Variants in KIAA1549 observed in about 807,000 individuals in gnomAD.
KIAA1549 encodes the protein UPF0606 protein KIAA1549.
A neutral mutation model predicts 156.4 loss-of-function variants in KIAA1549; 70 were observed. The ratio of observed to expected loss-of-function variants is 0.45; its 90% CI spans 0.37 to 0.55. The LOEUF (loss-of-function observed/expected upper bound fraction) is 0.55. KIAA1549 is among the 20% of genes least tolerant of loss of function. The pLI, the probability that KIAA1549 is intolerant of heterozygous loss-of-function variation, is 0.00. For missense variants in KIAA1549, 2,428 were observed against 2,540.9 expected (o/e 0.96, Z 0.96); for synonymous variants, 1,103 against 1,066.4 (o/e 1.03, Z -0.67).
intron 19 of KIAA1549, 135 bp from the exon 20 acceptor site, chr7:138,838,295 G>A (rs1273215509): frequency 1.5e-5 from 13 of 891,992 alleles, no homozygotes; most frequent in Non-Finnish European, 2.1e-5. Flanking sequence ...GGGCCCTGCT[G>A]CCTATGCTGC....
Position 138,917,099 on chromosome 7 carries a change from A to C in KIAA1549, c.2527T>G (p.Tyr843Asp). 1 of 1,610,680 alleles carries C rather than the reference A, an allele frequency of 6.2e-7. No homozygotes were observed. Among genetic ancestry groups the C allele is most frequent in the East Asian group, 2.2e-5 (1 of 44,854 alleles). Reference sequence around the variant, plus strand: ...ACAAACGAGGATCCTGATGGCAGGTACGCGTCAGTGATCAACACCGTACCA... The same window carrying C: ...ACAAACGAGGATCCTGATGGCAGGTCCGCGTCAGTGATCAACACCGTACCA... ...PTGTVLITDA[Y>D]LPSGSSFVSE... Residue 843 changes from tyrosine to aspartate, a missense_variant, in exon 2 of 20, where the codon TAC becomes GAC. By Grantham distance (160) the Tyr-to-Asp change is radical (BLOSUM62 -3). Coordinates refer to ENST00000422774, the MANE Select transcript of KIAA1549 (RefSeq NM_001164665.2).
chr7:138,850,543 T>C (rs1310184586), intron 17 of KIAA1549, among the ~76,000 whole-genome samples: 1 of 152,226 alleles, frequency 6.6e-6, no homozygotes, highest in Non-Finnish European at 1.5e-5. Flanking sequence ...AGGTTGTTTG[T>C]TCTTTTTCTT....
intron 1 of KIAA1549, among the ~76,000 whole-genome samples, chr7:138,966,696 G>A (rs1814035413): frequency 6.6e-6 from 1 of 151,932 alleles, no homozygotes; most frequent in African/African-American, 2.4e-5. Context: ...CCAGCCCACT[G>A]ACTCAAATGT....
intron 18 of KIAA1549, 103 bp downstream of exon 18, chr7:138,844,214 G>T: frequency 1.5e-6 from 2 of 1,296,306 alleles, no homozygotes; most frequent in Non-Finnish European, 2.2e-6. Context: ...AAACAGCAGT[G>T]GCAGAGGCCT....
At chr7:138,954,596 C>G (rs113544738) in intron 1 of KIAA1549, among the ~76,000 whole-genome samples, 7 of 152,288 alleles carry the variant, frequency 4.6e-5, no homozygotes, top group African/African-American at 1.7e-4. Context: ...GGTAATTCCT[C>G]TGCCTCCGTG....
intron 2 of KIAA1549, among the ~76,000 whole-genome samples, chr7:138,914,698 G>A (rs533785852): frequency 5.3e-5 from 8 of 152,244 alleles, no homozygotes; most frequent in East Asian, 1.9e-4. Context: ...ACTTATCTCC[G>A]CTAAAAGACA....
At chr7:138,869,261 A>G (rs796417613) in intron 14 of KIAA1549, among the ~76,000 whole-genome samples, 1 of 152,350 alleles carries the variant, frequency 6.6e-6, no homozygotes, top group African/African-American at 2.4e-5. Flanking sequence ...ATTAAGCCCC[A>G]GGAAATGCCC....
chr7:138,949,503 G>A (rs868581366), intron 1 of KIAA1549, among the ~76,000 whole-genome samples: 2 of 152,214 alleles, frequency 1.3e-5, no homozygotes, highest in Middle Eastern at 3.4e-3. Context: ...ATGCCCAACT[G>A]TGGAGACCGA....
chr7:138,887,944 C>G (rs1811445105), intron 10 of KIAA1549, among the ~76,000 whole-genome samples: 1 of 152,208 alleles, frequency 6.6e-6, no homozygotes, highest in Admixed American at 6.5e-5. Flanking sequence ...CAGTTCACTC[C>G]CGCAGAAGAA....
In KIAA1549 at chr7:138,917,448, A is replaced by C. The variant is rs1439626116; in HGVS notation, c.2178T>G (p.Ser726=). ...VSPWSSFPSD[S]LEFVEASTVS... Reference sequence around the variant, plus strand: ...CCGTAGACGCTTCAACAAACTCGAGAGAATCAGAAGGGAAGCTTGACCATG... The same window carrying C: ...CCGTAGACGCTTCAACAAACTCGAGCGAATCAGAAGGGAAGCTTGACCATG... Residue 726 remains serine, a synonymous_variant, in exon 2 of 20, where the codon TCT becomes TCG. Transcript: ENST00000422774. 6.2e-7 allele frequency: 1 copy of C among 1,613,846 alleles called. No homozygotes were observed. The highest frequency in any genetic ancestry group is 1.3e-5 in the African/African-American group (1 of 74,912).
At chr7:138,906,833 A>T in intron 6 of KIAA1549, 86 bp downstream of exon 6, 1 of 1,136,978 alleles carries the variant, frequency 8.8e-7, no homozygotes, top group African/African-American at 1.6e-5. Context: ...AAGTCTTTTA[A>T]AAAACTAAAA....
At chr7:138,943,677 GTCTCTACTAAAAATACAAAAA>G (rs1458000806) in intron 1 of KIAA1549, among the ~76,000 whole-genome samples, 1 of 151,960 alleles carries the variant, frequency 6.6e-6, no homozygotes, top group Non-Finnish European at 1.5e-5. Flanking sequence ...GTGAAACCCC[GTCTCTACTAAAAATACAAAAA>G]TTTAGCCGGG....
In KIAA1549 at chr7:138,919,303, T is replaced by C; in HGVS notation, c.323A>G (p.His108Arg). Residue 108 changes from histidine (H) to arginine (R), a missense_variant, in exon 2 of 20, where the codon CAT becomes CGT. Physicochemically the swap from His to Arg is conservative, Grantham distance 29. Coordinates refer to ENST00000422774, the MANE Select transcript of KIAA1549 (RefSeq NM_001164665.2). ...APGSQHSSPLHVTAPPSATTF... is the reference protein window; with the variant it reads ...APGSQHSSPLRVTAPPSATTF... ...AGTGGCAGACGGCGGGGCTGTGACA[T>C]GGAGAGGACTGCTGTGCTGGGAGCC... 6.2e-7 allele frequency: 1 copy of C among 1,613,992 alleles called. No homozygotes were observed. The highest frequency in any genetic ancestry group is 1.1e-5 in the South Asian group (1 of 91,078).
At chr7:138,881,272 T>C in intron 11 of KIAA1549, 116 bp downstream of exon 11, 1 of 1,015,576 alleles carries the variant, frequency 9.8e-7, no homozygotes, top group Non-Finnish European at 1.4e-6. Context: ...ATCAGTCTGC[T>C]GGGCTGCACA....
At chr7:138,838,837 G>A (rs756336473) in intron 19 of KIAA1549, among the ~76,000 whole-genome samples, 15 of 152,074 alleles carry the variant, frequency 9.9e-5, no homozygotes, top group Non-Finnish European at 1.6e-4. Context: ...AATAGTGACC[G>A]AGCAGTGTTC....
At chr7:138,939,973 C>A (rs1026876209) in intron 1 of KIAA1549, among the ~76,000 whole-genome samples, 1 of 151,988 alleles carries the variant, frequency 6.6e-6, no homozygotes, top group Non-Finnish European at 1.5e-5. Context: ...ATAGCAAGAC[C>A]CCATTTCTAC....
intron 1 of KIAA1549, among the ~76,000 whole-genome samples, chr7:138,975,217 C>A (rs1814339362): frequency 6.6e-6 from 1 of 151,420 alleles, no homozygotes; most frequent in Non-Finnish European, 1.5e-5. Flanking sequence ...CTGAAGCTAA[C>A]AAAGGAGATG....
At position 138,849,955 on chromosome 7, in the gene KIAA1549, G is replaced by A. The variant is rs144775555; in HGVS notation, c.5294+2268C>T. On this transcript the variant is annotated intron_variant, in intron 17 of 19. Coordinates refer to ENST00000422774, the MANE Select transcript of KIAA1549 (RefSeq NM_001164665.2). ...TATGCGTACCACTTTTTTTTTATCC[G>A]ATTTGTCACTGATGGGCATTTAGGT... is the stretch of plus-strand genomic sequence containing the variant. Among the ~76,000 whole-genome samples, 1,465 of 151,524 alleles carry A rather than the reference G, an allele frequency of 9.7e-3. 29 individuals carry two copies. Among genetic ancestry groups the A allele is most frequent in the African/African-American group, 0.033 (1,347 of 41,274 alleles).
At chr7:138,921,328 C>A (rs1812557418) in intron 1 of KIAA1549, among the ~76,000 whole-genome samples, 2 of 152,238 alleles carry the variant, frequency 1.3e-5, no homozygotes, top group South Asian at 4.1e-4. Flanking sequence ...TCCTCAGGAT[C>A]ATGTCCTAGA....
Sources: gnomAD v4.1 joint callset for allele counts (sites outside exome capture counted in the v4.1 genomes callset) on GRCh38, gnomAD v4.1.1 for gene constraint, MANE v1.5 for transcripts, NCBI Gene and HGNC (gene_info 2026-07-23, HGNC 2026-07-21) for gene names.